Variants in PDE11A observed in about 807,000 individuals in gnomAD.
The protein encoded by PDE11A is phosphodiesterase 11A, also known as dual 3',5'-cyclic-AMP and -GMP phosphodiesterase 11A.
PDE11A carries 100 observed loss-of-function variants against 100.5 expected under a neutral mutation model. The observed-to-expected ratio is 1.00, with a 90% CI of 0.85 to 1.18. The LOEUF is 1.18. Ranked by LOEUF, PDE11A falls within the 50% of genes most tolerant of loss-of-function variation. The pLI, the probability that PDE11A is intolerant of heterozygous loss-of-function variation, is 0.00. For missense variants in PDE11A, 1,141 were observed against 1,152.6 expected (o/e 0.99, Z 0.15); for synonymous variants, 381 against 420.8 (o/e 0.91, Z 1.16).
At chr2:177,778,391 A>G (rs6718860) in intron 9 of PDE11A, among the ~76,000 whole-genome samples, 82,357 of 151,980 alleles carry the variant, frequency 0.54, 23,104 homozygotes, top group African/African-American at 0.67. Flanking sequence ...CAGCAGAGAG[A>G]AACACAAATG....
At chr2:177,972,797 G>GC (rs1422684751) in intron 2 of PDE11A, among the ~76,000 whole-genome samples, 1 of 152,156 alleles carries the variant, frequency 6.6e-6, no homozygotes, top group Non-Finnish European at 1.5e-5. Flanking sequence ...CCTACCAGAC[G>GC]CCCTTCTCTG....
At chr2:177,639,549 C>A (rs1165869532) in intron 19 of PDE11A, among the ~76,000 whole-genome samples, 1 of 152,170 alleles carries the variant, frequency 6.6e-6, no homozygotes, top group Non-Finnish European at 1.5e-5. Context: ...ATGTTCTGAC[C>A]TGCTACAAAA....
intron 5 of PDE11A, among the ~76,000 whole-genome samples, chr2:177,850,872 A>G (rs1399297840): frequency 2.0e-5 from 3 of 152,196 alleles, no homozygotes; most frequent in Non-Finnish European, 4.4e-5. Context: ...CAATCATTAA[A>G]AAGTCAGGAA....
intron 5 of PDE11A, among the ~76,000 whole-genome samples, chr2:177,858,800 T>C (rs1213835047): frequency 2.6e-5 from 4 of 152,164 alleles, no homozygotes; most frequent in Non-Finnish European, 4.4e-5. Context: ...TGCACACATA[T>C]GTTTACTGCA....
At chr2:178,104,511 A>T in intron 1 of PDE11A, 1 of 1,555,170 alleles carries the variant, frequency 6.4e-7, no homozygotes, top group Non-Finnish European at 8.9e-7. Context: ...AACCAAAAAA[A>T]TATATATATT....
chr2:177,958,467 C>G (rs1423618540), intron 2 of PDE11A, among the ~76,000 whole-genome samples: 1 of 152,200 alleles, frequency 6.6e-6, no homozygotes, highest in East Asian at 1.9e-4. Flanking sequence ...ACTAACAAAT[C>G]TATACCTACA....
At chr2:178,069,044 T>A (rs534180888) in intron 1 of PDE11A, among the ~76,000 whole-genome samples, 2 of 152,166 alleles carry the variant, frequency 1.3e-5, no homozygotes, top group South Asian at 4.1e-4. Flanking sequence ...CAGTTCCAGA[T>A]AAGGAGAAAA....
At chr2:177,955,958 T>A (rs1382707132) in intron 2 of PDE11A, among the ~76,000 whole-genome samples, 1 of 152,130 alleles carries the variant, frequency 6.6e-6, no homozygotes, top group Non-Finnish European at 1.5e-5. Context: ...ATAAAAACCC[T>A]AGAAGAAAAC....
intron 10 of PDE11A, among the ~76,000 whole-genome samples, chr2:177,734,059 G>A (rs1200437277): frequency 6.6e-6 from 1 of 152,172 alleles, no homozygotes; most frequent in African/African-American, 2.4e-5. Context: ...TCTGTATTAT[G>A]CAAACTAACT....
At chr2:177,666,087 G>A (rs4110134) in intron 18 of PDE11A, among the ~76,000 whole-genome samples, 123,925 of 152,126 alleles carry the variant, frequency 0.81, 51,174 homozygotes, top group East Asian at 0.98. Context: ...CTTTTTTTCC[G>A]CACTCCCAGC....
chr2:177,797,317 T>C (rs1468786035), intron 9 of PDE11A: 1 of 152,200 alleles, frequency 6.6e-6, no homozygotes, highest in African/African-American at 2.4e-5. Context: ...ATCCTGGCTC[T>C]ACTTCTAGCT....
At position 177,742,028 on chromosome 2, in the gene PDE11A, C is replaced by T. The variant is rs138499057; in HGVS notation, c.1789-13856G>A. On this transcript the variant is annotated intron_variant, in intron 10 of 19. Transcript: ENST00000286063. The stretch of plus-strand genomic sequence containing the variant: ...GCAGCCTTGGTAACAGAGTGAGACA[C>T]TGTCTCTTAAGAAAAAAAAAAAAAA... Among the ~76,000 whole-genome samples the T allele has an allele frequency of 3.4e-4, 44 of 128,180 alleles. 1 individual carries two copies. In the East Asian group the frequency reaches 9.7e-3, roughly 28 times the overall value. 84.1% of individuals were successfully genotyped at this position (128,180 alleles called of 152,430 possible).
At chr2:177,909,512 G>A (rs945508065) in intron 2 of PDE11A, among the ~76,000 whole-genome samples, 1 of 152,168 alleles carries the variant, frequency 6.6e-6, no homozygotes. Context: ...ACATCCCTGA[G>A]AGGATTACTA....
chr2:177,767,105 G>A (rs2082250327), intron 10 of PDE11A, among the ~76,000 whole-genome samples: 1 of 152,158 alleles, frequency 6.6e-6, no homozygotes, highest in Admixed American at 6.5e-5. Context: ...GCTGAGGCAG[G>A]CAGACCACAA....
intron 2 of PDE11A, among the ~76,000 whole-genome samples, chr2:177,980,250 A>G (rs560249546): frequency 6.7e-6 from 1 of 149,638 alleles, no homozygotes; most frequent in South Asian, 2.2e-4. Context: ...TGATGAGTTA[A>G]TAGAAATCTA....
chr2:177,698,326 C>T (rs2081146359), intron 14 of PDE11A: 1 of 137,402 alleles, frequency 7.3e-6, no homozygotes. Context: ...GTTAGCTACA[C>T]TTAGGCTAAA....
In PDE11A at chr2:177,868,702, C is replaced by G. The variant is rs375894312; in HGVS notation, c.1367+7157G>C. 1.7e-4 allele frequency among the ~76,000 whole-genome samples: 26 copies of G among 152,310 alleles called. No homozygotes were observed. In the East Asian group the frequency reaches 4.2e-3, roughly 25 times the overall value. On this transcript the variant is annotated intron_variant, in intron 5 of 19. Transcript: ENST00000286063. Reference sequence around the variant, plus strand: ...TGCAGCATGTATCTTTAAAAGTGCTCTGCTATCATCTCCAGAAATTTCTTC... The same window carrying G: ...TGCAGCATGTATCTTTAAAAGTGCTGTGCTATCATCTCCAGAAATTTCTTC...
At chr2:177,980,022 C>T (rs2085861641) in intron 2 of PDE11A, among the ~76,000 whole-genome samples, 1 of 150,548 alleles carries the variant, frequency 6.6e-6, no homozygotes, top group Non-Finnish European at 1.5e-5. Context: ...CTTTTAATCT[C>T]TCTGAAGCAG....
At chr2:177,851,519 A>G (rs545951905) in intron 5 of PDE11A, among the ~76,000 whole-genome samples, 24 of 152,326 alleles carry the variant, frequency 1.6e-4, no homozygotes, top group African/African-American at 5.5e-4. Flanking sequence ...CATGTACCCT[A>G]GAACTTAAAG....
Sources: gnomAD v4.1 joint callset for allele counts (sites outside exome capture counted in the v4.1 genomes callset) on GRCh38, gnomAD v4.1.1 for gene constraint, MANE v1.5 for transcripts, NCBI Gene and HGNC (gene_info 2026-07-23, HGNC 2026-07-21) for gene names.